The following ARK2N variants were observed in gnomAD, a reference collection of about 807,000 sequenced individuals.
The protein encoded by ARK2N is arkadia (RNF111) N-terminal like PKA signaling regulator 2N.
At chr18:46,174,924 G>C in the ARK2N span, among the ~76,000 whole-genome samples, 9 of 152,336 alleles carry the variant, frequency 5.9e-5, no homozygotes, top group Admixed American at 3.9e-4. Flanking sequence ...CCTGCCTCTC[G>C]GCGCTTCCAC....
At chr18:46,184,741 C>T in the ARK2N span, among the ~76,000 whole-genome samples, 1 of 151,906 alleles carries the variant, frequency 6.6e-6, no homozygotes, top group Non-Finnish European at 1.5e-5. Flanking sequence ...ACAACAACAA[C>T]AACAAAGATT....
chr18:46,182,680 G>A, the ARK2N span, among the ~76,000 whole-genome samples: 2 of 133,036 alleles, frequency 1.5e-5, no homozygotes, highest in Non-Finnish European at 3.1e-5. Context: ...ATTAGCCACA[G>A]TGCTTTTTTT....
At chr18:46,244,930 C>G in the ARK2N span, among the ~76,000 whole-genome samples, 14 of 151,788 alleles carry the variant, frequency 9.2e-5, no homozygotes, top group Non-Finnish European at 1.9e-4. Context: ...TCTTCCTTCA[C>G]TCTTTTTTGT....
At chr18:46,247,975 G>C in the ARK2N span, among the ~76,000 whole-genome samples, 1 of 152,184 alleles carries the variant, frequency 6.6e-6, no homozygotes, top group Non-Finnish European at 1.5e-5. Context: ...GCCCAATCCA[G>C]CTTCTTGCTT....
the ARK2N span, chr18:46,263,907 C>T: frequency 1.3e-5 from 2 of 152,530 alleles, no homozygotes; most frequent in Non-Finnish European, 2.9e-5. Context: ...AATCTCTCTC[C>T]CTCGCCTTTT....
the ARK2N span, among the ~76,000 whole-genome samples, chr18:46,185,023 G>T: frequency 3.5e-4 from 54 of 152,338 alleles, no homozygotes; most frequent in East Asian, 5.8e-3. Flanking sequence ...TATGTAGAAA[G>T]AAAAGGGAAG....
the ARK2N span, among the ~76,000 whole-genome samples, chr18:46,259,587 C>T: frequency 5.3e-5 from 8 of 151,802 alleles, no homozygotes; most frequent in African/African-American, 1.2e-4. Flanking sequence ...TTCTTTTCCC[C>T]GTAACTACTA....
chr18:46,246,715 G>T, the ARK2N span, among the ~76,000 whole-genome samples: 3 of 146,316 alleles, frequency 2.1e-5, no homozygotes, highest in African/African-American at 7.5e-5. Flanking sequence ...GGCCGAGGCG[G>T]GTAGATTACC....
the ARK2N span, among the ~76,000 whole-genome samples, chr18:46,186,066 T>G: frequency 6.6e-6 from 1 of 152,162 alleles, no homozygotes; most frequent in African/African-American, 2.4e-5. Context: ...GGGGGGCATT[T>G]TTTTGAAGTG....
chr18:46,216,086 C>A, the ARK2N span: 2 of 1,614,116 alleles, frequency 1.2e-6, no homozygotes, highest in South Asian at 2.2e-5. This position sits in a 1 kb window ranked among gnomAD's most constrained non-coding sequence, Gnocchi z 4.3. Flanking sequence ...TCTTCTGAGT[C>A]TCAGTTAGCA....
chr18:46,262,636 G>A, the ARK2N span, among the ~76,000 whole-genome samples: 2 of 152,166 alleles, frequency 1.3e-5, no homozygotes, highest in African/African-American at 2.4e-5. Flanking sequence ...GTGTAAATGA[G>A]TCCAGAGAAA....
chr18:46,234,575 G>C, the ARK2N span, among the ~76,000 whole-genome samples: 1 of 151,068 alleles, frequency 6.6e-6, no homozygotes, highest in Non-Finnish European at 1.5e-5. Context: ...TTCTTGAGTA[G>C]GTCTTGAGTA....
At chr18:46,244,601 A>ACTTTTTTTTTTTTT in the ARK2N span, among the ~76,000 whole-genome samples, 1 of 93,838 alleles carries the variant, frequency 1.1e-5, no homozygotes, top group Non-Finnish European at 2.0e-5. Context: ...AAGAGTTTAG[A>ACTTTTTTTTTTTTT]TTTTTTTTTT....
chr18:46,259,654 G>T, the ARK2N span, among the ~76,000 whole-genome samples: 1 of 152,090 alleles, frequency 6.6e-6, no homozygotes, highest in Non-Finnish European at 1.5e-5. Flanking sequence ...CACCCAGGCT[G>T]GAGTGCAGTA....
chr18:46,263,696 C>T, the ARK2N span: 2 of 152,710 alleles, frequency 1.3e-5, no homozygotes, highest in South Asian at 2.1e-4. Context: ...CTTGAGTTTG[C>T]TCCTGTTGAC....
the ARK2N span, among the ~76,000 whole-genome samples, chr18:46,182,664 A>C: frequency 6.8e-6 from 1 of 147,158 alleles, no homozygotes; most frequent in African/African-American, 2.5e-5. Flanking sequence ...AGTACTTTAG[A>C]GAGTCATTAG....
chr18:46,247,482 T>A, the ARK2N span, among the ~76,000 whole-genome samples: 1 of 152,256 alleles, frequency 6.6e-6, no homozygotes. Flanking sequence ...TAATTACCAT[T>A]GTTTAAAAGC....
At chr18:46,178,905 A>G in the ARK2N span, among the ~76,000 whole-genome samples, 1 of 150,904 alleles carries the variant, frequency 6.6e-6, no homozygotes, top group African/African-American at 2.4e-5. Context: ...AAAAAAAAAA[A>G]CAACAAAAAT....
At chr18:46,255,142 A>G in the ARK2N span, among the ~76,000 whole-genome samples, 13 of 152,250 alleles carry the variant, frequency 8.5e-5, no homozygotes, top group Non-Finnish European at 1.3e-4. Context: ...TAGAGTGGAG[A>G]TGAAATACAG....
Sources: allele counts gnomAD v4.1 joint callset (sites outside exome capture counted in the v4.1 genomes callset), GRCh38; gene constraint gnomAD v4.1.1; non-coding constraint Gnocchi (gnomAD v3.1); transcripts MANE v1.5; gene names NCBI Gene and HGNC (gene_info 2026-07-23, HGNC 2026-07-21).